KAT6B: variants seen among roughly 807,000 people sequenced by gnomAD.
KAT6B encodes lysine acetyltransferase 6B.
KAT6B carries 10 observed loss-of-function variants against 187.5 expected under a neutral mutation model. That is an observed-to-expected ratio of 0.05 (90% CI 0.03 to 0.09). KAT6B has a LOEUF of 0.09. Ranked by LOEUF, KAT6B falls within the 10% of genes least tolerant of loss-of-function variation. The pLI is 1.00. For missense variants in KAT6B, 1,952 were observed against 2,558.9 expected, an observed-to-expected ratio of 0.76 and a Z score of 5.12; for synonymous variants, 861 against 926.8, an observed-to-expected ratio of 0.93 and a Z score of 1.29.
At chr10:74,946,975 C>G (rs908647639) in intron 3 of KAT6B, among the ~76,000 whole-genome samples, 2 of 151,192 alleles carry the variant, frequency 1.3e-5, no homozygotes, top group African/African-American at 2.4e-5. Flanking sequence ...TATTTTGCCA[C>G]AATTGAAAAA....
At chr10:74,944,582 G>T (rs1589677254) in intron 3 of KAT6B, among the ~76,000 whole-genome samples, 1 of 152,174 alleles carries the variant, frequency 6.6e-6, no homozygotes, top group East Asian at 1.9e-4. Flanking sequence ...GGTCAAGGCG[G>T]GTGGATCACG....
intron 1 of KAT6B, among the ~76,000 whole-genome samples, chr10:74,836,142 ATCGAAACT>A (rs1273661903): frequency 3.3e-5 from 5 of 152,244 alleles, no homozygotes; most frequent in African/African-American, 1.2e-4. Flanking sequence ...AGTAGCATGT[ATCGAAACT>A]TCATTGCTTT....
intron 3 of KAT6B, among the ~76,000 whole-genome samples, chr10:74,956,639 G>A (rs930637392): frequency 1.3e-5 from 2 of 152,182 alleles, no homozygotes; most frequent in African/African-American, 4.8e-5. Context: ...CTCTACACCT[G>A]AACCTATGCA....
At chr10:74,977,580 G>T in intron 9 of KAT6B, 143 bp downstream of exon 9, 1 of 1,058,758 alleles carries the variant, frequency 9.4e-7, no homozygotes, top group South Asian at 1.3e-5. Flanking sequence ...CATTTCTACT[G>T]ACTGTACATT....
intron 13 of KAT6B, among the ~76,000 whole-genome samples, chr10:75,009,446 T>G (rs1844442207): frequency 6.6e-6 from 1 of 152,206 alleles, no homozygotes; most frequent in Non-Finnish European, 1.5e-5. Context: ...ATTAACATAA[T>G]ATAAAGTCTC....
intron 3 of KAT6B, among the ~76,000 whole-genome samples, chr10:74,927,791 C>G (rs936537322): frequency 2.3e-4 from 35 of 152,220 alleles, no homozygotes; most frequent in African/African-American, 8.4e-4. Context: ...TGCCCTTGAA[C>G]CCTATCTCCT....
chr10:74,902,147 C>T (rs1846444986), intron 3 of KAT6B, among the ~76,000 whole-genome samples: 1 of 152,260 alleles, frequency 6.6e-6, no homozygotes, highest in South Asian at 2.1e-4. Context: ...CTCTCTAGCC[C>T]ATAGCTCCTC....
chr10:75,000,162 A>T (rs1843728848), intron 13 of KAT6B, among the ~76,000 whole-genome samples: 1 of 150,512 alleles, frequency 6.6e-6, no homozygotes, highest in Non-Finnish European at 1.5e-5. Context: ...ACAGAGCAAG[A>T]CTCTGTCTTT....
chr10:75,022,760 G>A (rs894129325), intron 16 of KAT6B, among the ~76,000 whole-genome samples: 6 of 152,084 alleles, frequency 3.9e-5, no homozygotes, highest in Admixed American at 3.3e-4. Flanking sequence ...GTGAAATCCC[G>A]TCTCTGCTAA....
At position 74,832,107 on chromosome 10, in the gene KAT6B, G is replaced by T. The variant is rs77087239; in HGVS notation, c.-329+5322G>T. On this transcript the variant is annotated intron_variant, in intron 1 of 17. Coordinates refer to ENST00000287239, the MANE Select transcript of KAT6B (RefSeq NM_012330.4). ...GCCAGTGGACCTTAAGTGGTCCATG[G>T]CTGGATGACAGAAGGTCTGTTAACC... Among the ~76,000 whole-genome samples the T allele has an allele frequency of 6.1e-3, 924 of 152,344 alleles. 2 individuals carry two copies. Among genetic ancestry groups the T allele is most frequent in the Middle Eastern group, 0.017 (5 of 294 alleles).
chr10:74,916,839 T>C (rs1847725278), intron 3 of KAT6B, among the ~76,000 whole-genome samples: 2 of 152,220 alleles, frequency 1.3e-5, no homozygotes, highest in African/African-American at 4.8e-5. Flanking sequence ...CGGTGGCTCA[T>C]GCCTGTCATC....
intron 3 of KAT6B, among the ~76,000 whole-genome samples, chr10:74,938,193 A>T (rs1321148053): frequency 1.3e-5 from 2 of 152,230 alleles, no homozygotes; most frequent in East Asian, 3.8e-4. Context: ...GGTCAGCAAC[A>T]TCAATCTAAC....
At chr10:74,858,736 C>G (rs1428183826) in intron 3 of KAT6B, among the ~76,000 whole-genome samples, 5 of 152,122 alleles carry the variant, frequency 3.3e-5, no homozygotes, top group African/African-American at 1.2e-4. Context: ...GCATGGATCA[C>G]TTGAGGTCCA....
intron 3 of KAT6B, among the ~76,000 whole-genome samples, chr10:74,929,496 A>G (rs902827244): frequency 3.9e-5 from 6 of 152,208 alleles, no homozygotes; most frequent in Admixed American, 2.6e-4. Context: ...ATTTATCATC[A>G]TATACAGGAC....
At chr10:74,933,493 T>C (rs887080048) in intron 3 of KAT6B, among the ~76,000 whole-genome samples, 1 of 152,202 alleles carries the variant, frequency 6.6e-6, no homozygotes, top group Non-Finnish European at 1.5e-5. Flanking sequence ...CACATGCCCC[T>C]GGTTGTATGC....
intron 10 of KAT6B, among the ~76,000 whole-genome samples, chr10:74,980,414 T>C (rs1209047503): frequency 6.6e-6 from 1 of 152,152 alleles, no homozygotes; most frequent in Non-Finnish European, 1.5e-5. Flanking sequence ...GTCTGGCCAA[T>C]CACGTAACTG....
chr10:74,902,324 A>G (rs1276310986), intron 3 of KAT6B, among the ~76,000 whole-genome samples: 4 of 152,096 alleles, frequency 2.6e-5, no homozygotes, highest in Non-Finnish European at 4.4e-5. Context: ...TTTTTGTGCC[A>G]TATCCAAATT....
chr10:74,891,226 C>T (rs1227005277), intron 3 of KAT6B, among the ~76,000 whole-genome samples: 2 of 152,240 alleles, frequency 1.3e-5, no homozygotes, highest in Non-Finnish European at 2.9e-5. Flanking sequence ...CCAGCTCGAC[C>T]TTGATGTTAG....
At chr10:74,964,631 C>G (rs1841332704) in intron 4 of KAT6B, among the ~76,000 whole-genome samples, 1 of 152,160 alleles carries the variant, frequency 6.6e-6, no homozygotes, top group Non-Finnish European at 1.5e-5. Flanking sequence ...ACCCCCGAGG[C>G]ACCTCAAAGT....
Sources: allele counts gnomAD v4.1 joint callset (sites outside exome capture counted in the v4.1 genomes callset), GRCh38; gene constraint gnomAD v4.1.1; transcripts MANE v1.5; gene names NCBI Gene and HGNC (gene_info 2026-07-23, HGNC 2026-07-21).